Variants in PLXNA4 observed in about 807,000 individuals in gnomAD.
PLXNA4 encodes the protein plexin-A4.
In PLXNA4, 44 loss-of-function variants were observed where a neutral mutation model predicts 191.8. The observed-to-expected ratio is 0.23, with a 90% CI of 0.18 to 0.29. The LOEUF (loss-of-function observed/expected upper bound fraction) is 0.29, where lower values mean the gene tolerates loss of function less well. Ranked by LOEUF, PLXNA4 falls within the 10% of genes least tolerant of loss-of-function variation. The pLI is 1.00. For missense variants in PLXNA4, 1,800 were observed against 2,488.8 expected (o/e 0.72, Z 5.89); for synonymous variants, 1,082 against 1,009.5 (o/e 1.07, Z -1.36).
chr7:132,186,944 T>C (rs771729565), intron 15 of PLXNA4, among the ~76,000 whole-genome samples: 4 of 152,156 alleles, frequency 2.6e-5, no homozygotes, highest in Admixed American at 1.3e-4. Context: ...AGATTCCAAA[T>C]GTTCCCAATT....
intron 4 of PLXNA4, among the ~76,000 whole-genome samples, chr7:132,259,311 C>G (rs1383549090): frequency 6.6e-6 from 1 of 151,566 alleles, no homozygotes; most frequent in Admixed American, 6.6e-5. Flanking sequence ...TGGCACGCAC[C>G]TGTAATCCCA....
intron 1 of PLXNA4, among the ~76,000 whole-genome samples, chr7:132,516,260 ATT>A (rs1563146377): frequency 1.3e-5 from 2 of 148,248 alleles, no homozygotes; most frequent in Non-Finnish European, 3.0e-5. Context: ...TTATTTATTT[ATT>A]TGTATTTAAA....
At chr7:132,545,857 C>T (rs1339485438) in intron 1 of PLXNA4, among the ~76,000 whole-genome samples, 1 of 152,194 alleles carries the variant, frequency 6.6e-6, no homozygotes, top group Non-Finnish European at 1.5e-5. Context: ...CACCTGCGGG[C>T]CTGGACCCTG....
At chr7:132,470,833 C>T (rs1796907450) in intron 3 of PLXNA4, among the ~76,000 whole-genome samples, 1 of 152,206 alleles carries the variant, frequency 6.6e-6, no homozygotes, top group South Asian at 2.1e-4. Flanking sequence ...AATAGATTAT[C>T]TCCTAGAACC....
chr7:132,552,711 C>T (rs1292987064), intron 1 of PLXNA4, among the ~76,000 whole-genome samples: 2 of 152,194 alleles, frequency 1.3e-5, no homozygotes, highest in Non-Finnish European at 2.9e-5. Flanking sequence ...GAGACACACC[C>T]CCTTTGGGCC....
At chr7:132,147,770 C>G in intron 27 of PLXNA4, 130 bp downstream of exon 27, 1 of 1,260,636 alleles carries the variant, frequency 7.9e-7, no homozygotes, top group South Asian at 1.5e-5. Flanking sequence ...GGCTCTCTTC[C>G]CCGATGGTCA....
chr7:132,153,653 AG>A (rs1795709198), intron 25 of PLXNA4, among the ~76,000 whole-genome samples: 1 of 152,176 alleles, frequency 6.6e-6, no homozygotes, highest in South Asian at 2.1e-4. Flanking sequence ...GATCCTCCAC[AG>A]GCCAACCTGG....
At chr7:132,229,773 G>A (rs571399369) in intron 5 of PLXNA4, among the ~76,000 whole-genome samples, 2 of 152,120 alleles carry the variant, frequency 1.3e-5, no homozygotes, top group East Asian at 1.9e-4. Context: ...GAGAGGGAAC[G>A]ACTGTCTCAG....
chr7:132,343,633 A>G (rs1158511779), intron 3 of PLXNA4, among the ~76,000 whole-genome samples: 2 of 152,178 alleles, frequency 1.3e-5, no homozygotes, highest in African/African-American at 4.8e-5. Context: ...AGAACACTCA[A>G]TGTGGCTGGG....
At chr7:132,541,840 C>T (rs865780228) in intron 1 of PLXNA4, among the ~76,000 whole-genome samples, 5 of 152,154 alleles carry the variant, frequency 3.3e-5, no homozygotes, top group South Asian at 2.1e-4. Flanking sequence ...CTAACAGATC[C>T]GCAGGCATTT....
chr7:132,144,224 G>T (rs933424616), intron 29 of PLXNA4, among the ~76,000 whole-genome samples: 1 of 152,184 alleles, frequency 6.6e-6, no homozygotes, highest in Non-Finnish European at 1.5e-5. Context: ...AGCCAGCTTT[G>T]CCTCAGGTAG....
intron 6 of PLXNA4, 21 bp from the exon 7 acceptor site, chr7:132,227,625 G>C (rs1798373607): frequency 8.7e-6 from 14 of 1,613,860 alleles, no homozygotes; most frequent in Non-Finnish European, 1.2e-5. Flanking sequence ...CCAGGCGGGG[G>C]GAGAGAAGGA....
intron 3 of PLXNA4, among the ~76,000 whole-genome samples, chr7:132,454,395 G>T (rs985379497): frequency 1.3e-5 from 2 of 152,098 alleles, no homozygotes; most frequent in Admixed American, 6.5e-5. Flanking sequence ...AAAGCCAAAA[G>T]CTGACTTATC....
intron 1 of PLXNA4, among the ~76,000 whole-genome samples, chr7:132,573,305 C>T (rs551648703): frequency 1.0e-3 from 152 of 152,274 alleles, no homozygotes; most frequent in Non-Finnish European, 1.7e-3. Flanking sequence ...ACCACAGAGC[C>T]GCTCCAACAG....
At chr7:132,406,745 G>T (rs1055053234) in intron 3 of PLXNA4, among the ~76,000 whole-genome samples, 2 of 152,168 alleles carry the variant, frequency 1.3e-5, no homozygotes, top group African/African-American at 4.8e-5. Flanking sequence ...GTTGTTAAGA[G>T]TGAGGGCTAG....
At chr7:132,154,287 A>T (rs1795729565) in intron 25 of PLXNA4, among the ~76,000 whole-genome samples, 1 of 152,180 alleles carries the variant, frequency 6.6e-6, no homozygotes, top group Non-Finnish European at 1.5e-5. Context: ...ACACCTGGCC[A>T]CGCTGAAGTG....
intron 13 of PLXNA4, among the ~76,000 whole-genome samples, chr7:132,194,486 G>A (rs150220684): frequency 1.4e-4 from 22 of 152,326 alleles, no homozygotes; most frequent in African/African-American, 5.1e-4. Context: ...TGGAGGGCAT[G>A]TTCTAGCCAA....
rs200014828 is a variant in PLXNA4, at chr7:132,194,119, G to A, written c.2799C>T (p.Cys933=). Residue 933 remains cysteine, a synonymous_variant, in exon 14 of 32, where the codon TGC becomes TGT. Transcript: ENST00000321063. ...PSQHAGFVEI[C]VAVCRPEFMA... ...TGAATTCAGGCCGACACACAGCCACGCAGATCTCCACGAAGCCTGCATGCT... is the reference window on the plus strand; with the variant it reads ...TGAATTCAGGCCGACACACAGCCACACAGATCTCCACGAAGCCTGCATGCT... 1.5e-4 allele frequency: 242 copies of A among 1,613,732 alleles called. No homozygotes were observed. Among genetic ancestry groups the A allele is most frequent in the East Asian group, 2.5e-4 (11 of 44,848 alleles).
chr7:132,198,345 C>T (rs1584830220), intron 13 of PLXNA4, 140 bp downstream of exon 13: 3 of 1,236,396 alleles, frequency 2.4e-6, no homozygotes, highest in East Asian at 5.1e-5. Context: ...AGTCCACCCT[C>T]CAACTCTAAA....
Sources: gnomAD v4.1 joint callset for allele counts (sites outside exome capture counted in the v4.1 genomes callset) on GRCh38, gnomAD v4.1.1 for gene constraint, MANE v1.5 for transcripts, NCBI Gene and HGNC (gene_info 2026-07-23, HGNC 2026-07-21) for gene names.